Variants in CLIP2 observed in about 807,000 individuals in gnomAD.
The protein encoded by CLIP2 is CAP-Gly domain containing linker protein 2.
CLIP2 carries 41 observed loss-of-function variants against 111.7 expected under a neutral mutation model. The ratio of observed to expected loss-of-function variants is 0.37; its 90% confidence interval spans 0.29 to 0.48. CLIP2 has a LOEUF of 0.48. Among genes scored for constraint, CLIP2 ranks in the 20% least tolerant of loss-of-function variants. The probability of loss-of-function intolerance (pLI) is 0.99; values close to 1 mark genes in which losing one functional copy is unlikely to be tolerated. For synonymous variants in CLIP2, 660 were observed against 644.2 expected (o/e 1.02, Z -0.37); for missense variants, 1,160 against 1,422.1 (o/e 0.82, Z 2.96).
At chr7:74,380,323 G>A (rs1466866818) in intron 10 of CLIP2, 1 of 152,156 alleles carries the variant, frequency 6.6e-6, no homozygotes, top group African/African-American at 2.4e-5. Context: ...AAGAAATGTT[G>A]GAGAGAAAGA....
chr7:74,321,001 C>T (rs1343088297), intron 2 of CLIP2, among the ~76,000 whole-genome samples: 25 of 152,124 alleles, frequency 1.6e-4, no homozygotes, highest in Admixed American at 1.5e-3. Context: ...CTTTGTTCCT[C>T]CCCGATCTAG....
In CLIP2 at chr7:74,338,807, G is replaced by A. The variant is rs782801599; in HGVS notation, c.481G>A (p.Val161Met). 17 of 1,611,126 alleles carry A rather than the reference G, an allele frequency of 1.1e-5. No individual in the cohort carries two copies. In the East Asian group the frequency reaches 2.5e-4, roughly 23 times the overall value. Residue 161 changes from valine (V) to methionine (M), a missense_variant, in exon 3 of 17, where the codon GTG becomes ATG. Around this residue, in one of 5 missense-constraint regions of CLIP2, gnomAD observed 301 missense variants for 315.2 expected, o/e 0.96. Transcript: ENST00000223398. This position sits in a 1 kb window ranked among gnomAD's most constrained non-coding sequence, Gnocchi z 4.3. The part of the protein sequence containing the change: ...AEGSGSDAHS[V>M]ESLTAQNLSL... ...GGGCTCGGGGAGTGATGCCCACTCC[G>A]TGGAGTCGCTGACTGCCCAGAACCT...
intron 15 of CLIP2, 74 bp from the exon 16 acceptor site, chr7:74,401,431 C>A: frequency 6.9e-7 from 1 of 1,439,184 alleles, no homozygotes; most frequent in Non-Finnish European, 9.7e-7. Context: ...CATGGGAAGA[C>A]CTCGCCATCT....
chr7:74,368,650 C>G (rs1318103044), intron 8 of CLIP2, among the ~76,000 whole-genome samples: 1 of 152,136 alleles, frequency 6.6e-6, no homozygotes, highest in Admixed American at 6.6e-5. Context: ...GGCCCTAGCA[C>G]CATGCCATGG....
At chr7:74,401,372 C>CT (rs1436601435) in intron 15 of CLIP2, 133 bp from the exon 16 acceptor site, 3 of 787,774 alleles carry the variant, frequency 3.8e-6, no homozygotes, top group Non-Finnish European at 6.4e-6. Context: ...TTTGGGGGTG[C>CT]TGGGAGCCCC....
rs1447909464 is a variant in CLIP2, at chr7:74,347,519, C to T, written c.679-6361C>T. On this transcript the variant is annotated intron_variant, in intron 3 of 16. Coordinates refer to ENST00000223398, the MANE Select transcript of CLIP2 (RefSeq NM_003388.5). The stretch of plus-strand genomic sequence containing the variant: ...TCCTGACCTCGTGATCTGCCCGCCT[C>T]GGCCTCCCAAAGTGCTGGGATTACA... 1.2e-4 allele frequency among the ~76,000 whole-genome samples: 18 copies of T among 152,110 alleles called. 1 individual carries two copies. Among genetic ancestry groups the T allele is most frequent in the African/African-American group, 1.9e-4 (8 of 41,450 alleles).
intron 3 of CLIP2, among the ~76,000 whole-genome samples, chr7:74,346,740 AAAC>A (rs869078501): frequency 0.1 from 6,016 of 58,768 alleles, 361 homozygotes; most frequent in Non-Finnish European, 0.23. Flanking sequence ...AAAAAAAAAA[AAAC>A]AAAACACTGG....
chr7:74,381,462 CA>C (rs1343174525), intron 11 of CLIP2: 1 of 364,800 alleles, frequency 2.7e-6, no homozygotes, highest in East Asian at 8.2e-5. Context: ...GTTGGGATTA[CA>C]GGCATGAGCC....
chr7:74,305,865 A>ACCCCCCCCCCCCC (rs1788472143), intron 1 of CLIP2, among the ~76,000 whole-genome samples: 1 of 75,070 alleles, frequency 1.3e-5, no homozygotes, highest in Non-Finnish European at 2.2e-5. Flanking sequence ...ACCCCCCCCC[A>ACCCCCCCCCCCCC]CCGCCCCTGC....
chr7:74,352,293 C>T (rs576740944), intron 3 of CLIP2, among the ~76,000 whole-genome samples: 23 of 151,892 alleles, frequency 1.5e-4, no homozygotes, highest in Non-Finnish European at 2.4e-4. Flanking sequence ...AAAAATTAGC[C>T]GGGCATGGTG....
chr7:74,403,115 A>G (rs1791665657), intron 16 of CLIP2, among the ~76,000 whole-genome samples: 1 of 122,514 alleles, frequency 8.2e-6, no homozygotes, highest in Admixed American at 8.5e-5. Context: ...GCTACTCGGG[A>G]GGCTGAGGCA....
intron 7 of CLIP2, among the ~76,000 whole-genome samples, chr7:74,360,700 C>T (rs1346778266): frequency 6.6e-6 from 1 of 152,062 alleles, no homozygotes; most frequent in Non-Finnish European, 1.5e-5. Flanking sequence ...ACAGGCGTCC[C>T]CCACCACGCC....
intron 1 of CLIP2, among the ~76,000 whole-genome samples, chr7:74,299,448 A>G (rs1788262708): frequency 6.6e-6 from 1 of 152,162 alleles, no homozygotes; most frequent in Admixed American, 6.5e-5. Flanking sequence ...CTCCCCACCC[A>G]TAGTAGTGTG....
chr7:74,297,998 T>G (rs1414245532), intron 1 of CLIP2, among the ~76,000 whole-genome samples: 2 of 151,812 alleles, frequency 1.3e-5, no homozygotes, highest in African/African-American at 4.8e-5. Context: ...GGTGCTGTCC[T>G]AGGTACCGAG....
intron 3 of CLIP2, among the ~76,000 whole-genome samples, chr7:74,348,667 G>T (rs1789879361): frequency 1.3e-5 from 2 of 151,824 alleles, no homozygotes; most frequent in African/African-American, 4.8e-5. Context: ...GCGGGCGCCT[G>T]TAGTCCCAGC....
intron 12 of CLIP2, 146 bp from the exon 13 acceptor site, chr7:74,388,956 TA>T (rs1791198219): frequency 1.1e-5 from 11 of 972,004 alleles, no homozygotes; most frequent in South Asian, 1.8e-5. Context: ...ACCCAATCTC[TA>T]AAAAAACCGT....
intron 10 of CLIP2, among the ~76,000 whole-genome samples, chr7:74,379,085 G>A (rs1257484102): frequency 1.3e-5 from 2 of 152,178 alleles, no homozygotes; most frequent in South Asian, 4.1e-4. Flanking sequence ...AGAGCATGGG[G>A]GACAGAGGCC....
chr7:74,289,496 A>T lies in CLIP2; in HGVS notation c.-306A>T, dbSNP rs1787946940. 1 of 150,742 alleles carries T rather than the reference A, an allele frequency of 6.6e-6. No homozygotes were observed. The highest frequency in any genetic ancestry group is 1.5e-5 in the Non-Finnish European group (1 of 67,518). The allele number at this position is 150,742 out of a possible 1,614,324, so 9.3% of individuals were successfully genotyped here. ...AGCTCGGCTCGGCCGCGGGGCGCGC[A>T]GGCGGCTGCTGGGCGGCCTCGGTGC... is the stretch of plus-strand genomic sequence containing the variant. On this transcript the variant is annotated 5_prime_UTR_variant, in exon 1 of 17. Transcript: ENST00000223398.
intron 1 of CLIP2, among the ~76,000 whole-genome samples, chr7:74,290,353 C>A (rs551639155): frequency 1.3e-5 from 2 of 152,332 alleles, no homozygotes; most frequent in African/African-American, 4.8e-5. Flanking sequence ...GGTGTCCCCC[C>A]AAGCTGGCGC....
Sources: gnomAD v4.1 joint callset for allele counts (sites outside exome capture counted in the v4.1 genomes callset) on GRCh38, gnomAD v4.1.1 for gene constraint, gnomAD v4.1.1 regional missense constraint, Gnocchi (gnomAD v3.1) non-coding constraint, MANE v1.5 for transcripts, NCBI Gene and HGNC (gene_info 2026-07-23, HGNC 2026-07-21) for gene names.